The following ATP12A variants were observed in gnomAD, a reference collection of about 807,000 sequenced individuals.
The protein encoded by ATP12A is ATPase H+/K+ transporting non-gastric alpha2 subunit, also known as potassium-transporting ATPase alpha chain 2.
ATP12A carries 81 observed loss-of-function variants against 111.2 expected under a neutral mutation model. The ratio of observed to expected loss-of-function variants is 0.73; its 90% CI spans 0.61 to 0.88. The LOEUF (loss-of-function observed/expected upper bound fraction) is 0.88, where lower values mean the gene tolerates loss of function less well. Among genes scored for constraint, ATP12A ranks in the 40% least tolerant of loss-of-function variants. The pLI is 0.00. For missense variants in ATP12A, 1,196 were observed against 1,313.1 expected, an observed-to-expected ratio of 0.91 and a Z score of 1.38; for synonymous variants, 498 against 499.8, an observed-to-expected ratio of 1.00 and a Z score of 0.05.
chr13:24,685,408 C>T lies in ATP12A; in HGVS notation c.228+35C>T, dbSNP rs1427898824. 1 of 1,597,064 alleles carries T rather than the reference C, an allele frequency of 6.3e-7. No individual in the cohort carries two copies. The highest frequency in any genetic ancestry group is 8.6e-7 in the Non-Finnish European group (1 of 1,164,482). ...GGGAACCAGGGATTTGGAAGAGAAG[C>T]CTCCCAACTCTACAGAGGGAAGGCT... On this transcript the variant is annotated intron_variant, in intron 3 of 22. Transcript: ENST00000381946. The surrounding 1 kb of genome is among the most constrained non-coding windows in gnomAD (Gnocchi z 5.5).
chr13:24,680,803 C>T (rs1874403052), intron 1 of ATP12A, 51 bp downstream of exon 1: 4 of 1,461,926 alleles, frequency 2.7e-6, no homozygotes, highest in East Asian at 2.9e-5. Flanking sequence ...GGGCCAAGGC[C>T]CCGGGGACCG....
In ATP12A at chr13:24,709,372, CA is replaced by C; in HGVS notation, c.2503del (p.Ile835LeufsTer13). 1 of 1,613,252 alleles carries C rather than the reference CA, an allele frequency of 6.2e-7. No individual in the cohort carries two copies. Among genetic ancestry groups the C allele is most frequent in the Non-Finnish European group, 8.5e-7 (1 of 1,179,912 alleles). ...IDLGTDIIPS[I>X]ALAYEKAESD... ...AGCCTCTTCCCCTCTAGATCCCCTC[CA>C]TTGCCTTGGCGTACGAGAAAGCTGA... On this transcript the variant is annotated frameshift_variant, in exon 18 of 23. Transcript: ENST00000381946. LOFTEE classifies it high-confidence loss of function.
Position 24,685,470 on chromosome 13 carries a change from C to A in ATP12A, c.228+97C>A. 7.6e-7 allele frequency: 1 copy of A among 1,310,252 alleles called. No homozygotes were observed. 81.2% of individuals were successfully genotyped at this position (1,310,252 alleles called of 1,614,324 possible). The stretch of plus-strand genomic sequence containing the variant: ...GGGGCTGTGTGGAAGAGTAGCGGCA[C>A]CTTTAGGAGGAGGGGCCCCTGCAGC... On this transcript the variant is annotated intron_variant, in intron 3 of 22. Coordinates refer to ENST00000381946, the MANE Select transcript of ATP12A (RefSeq NM_001676.7). The surrounding 1 kb of genome is among the most constrained non-coding windows in gnomAD (Gnocchi z 5.5).
intron 3 of ATP12A, among the ~76,000 whole-genome samples, chr13:24,687,290 G>A (rs1369488742): frequency 4.6e-5 from 7 of 152,108 alleles, no homozygotes; most frequent in Admixed American, 2.0e-4. Flanking sequence ...GTGAAACCCT[G>A]TCTCTACTAA....
chr13:24,701,501 C>CAAAAAAAAAAA (rs10586421), intron 13 of ATP12A, among the ~76,000 whole-genome samples: 3 of 101,398 alleles, frequency 3.0e-5, no homozygotes, highest in African/African-American at 3.7e-5. Context: ...AACTCTGTCT[C>CAAAAAAAAAAA]AAAAAAAAAA....
chr13:24,685,496 G>T lies in ATP12A; in HGVS notation c.228+123G>T. 2.2e-6 allele frequency: 2 copies of T among 924,916 alleles called. No individual in the cohort carries two copies. Among genetic ancestry groups the T allele is most frequent in the East Asian group, 2.4e-5 (1 of 41,628 alleles). The allele number at this position is 924,916 out of a possible 1,614,324, so 57.3% of individuals were successfully genotyped here. ...CTTTAGGAGGAGGGGCCCCTGCAGC[G>T]CCTTTGAGACTGCAGTTATTTGCAT... On this transcript the variant is annotated intron_variant, in intron 3 of 22. Transcript: ENST00000381946. The surrounding 1 kb of genome is among the most constrained non-coding windows in gnomAD (Gnocchi z 5.5).
intron 10 of ATP12A, among the ~76,000 whole-genome samples, chr13:24,693,461 T>TTTTG (rs1036816214): frequency 2.6e-5 from 4 of 152,288 alleles, no homozygotes; most frequent in Admixed American, 6.5e-5. Context: ...TTTCTTATTT[T>TTTTG]TTTGTTTGTT....
chr13:24,685,346 A>G lies in ATP12A; in HGVS notation c.201A>G (p.Glu67=), dbSNP rs113141374. 6.2e-7 allele frequency: 1 copy of G among 1,614,176 alleles called. No homozygotes were observed. Among genetic ancestry groups the G allele is most frequent in the Non-Finnish European group, 8.5e-7 (1 of 1,180,004 alleles). Residue 67 remains glutamate (E), a synonymous_variant, in exon 3 of 23, where the codon GAA becomes GAG. Transcript: ENST00000381946. The surrounding 1 kb of genome is among the most constrained non-coding windows in gnomAD (Gnocchi z 5.5). ...ACAAACTCAGCAATAGGGAATTGGAAGAGAAATATGGCACAGACATCATTA... is the reference window on the plus strand; with the variant it reads ...ACAAACTCAGCAATAGGGAATTGGAGGAGAAATATGGCACAGACATCATTA... ...DDHKLSNREL[E]EKYGTDIIMG...
chr13:24,711,251 C>A, intron 21 of ATP12A, 67 bp from the exon 22 acceptor site: 1 of 1,404,394 alleles, frequency 7.1e-7, no homozygotes, highest in Non-Finnish European at 9.8e-7. Flanking sequence ...AGCCCCATTC[C>A]CATTGGGCAG....
At chr13:24,701,539 G>GA (rs1331008264) in intron 13 of ATP12A, among the ~76,000 whole-genome samples, 1 of 147,290 alleles carries the variant, frequency 6.8e-6, no homozygotes, top group African/African-American at 2.5e-5. Context: ...GAAAAGAAAA[G>GA]AAAAAAAGAA....
intron 13 of ATP12A, among the ~76,000 whole-genome samples, chr13:24,701,487 G>A (rs12877205): frequency 1.6e-5 from 2 of 125,030 alleles, no homozygotes; most frequent in East Asian, 2.4e-4. Flanking sequence ...GGCAACAAGA[G>A]TGAAACTCTG....
chr13:24,698,997 G>C lies in ATP12A; in HGVS notation c.1705+147G>C, dbSNP rs80349309. On this transcript the variant is annotated intron_variant, in intron 12 of 22. Coordinates refer to ENST00000381946, the MANE Select transcript of ATP12A (RefSeq NM_001676.7). ...ATGATAAGCAGGATGGGAACAAGGA[G>C]AGGATGCTGTGTGACAGCACCAAGC... 5.8e-3 allele frequency: 6,269 copies of C among 1,076,738 alleles called. 265 individuals carry two copies. In the African/African-American group the frequency reaches 0.087, roughly 15 times the overall value. The allele number at this position is 1,076,738 out of a possible 1,614,324, so 66.7% of individuals were successfully genotyped here.
intron 11 of ATP12A, among the ~76,000 whole-genome samples, chr13:24,697,834 T>C (rs1306684998): frequency 2.6e-5 from 4 of 151,964 alleles, no homozygotes; most frequent in Non-Finnish European, 5.9e-5. Flanking sequence ...CCTATACTTC[T>C]TTTTGTACTC....
At chr13:24,701,852 A>G in intron 13 of ATP12A, 83 bp from the exon 14 acceptor site, 1 of 1,564,894 alleles carries the variant, frequency 6.4e-7, no homozygotes, top group East Asian at 2.2e-5. Flanking sequence ...AGGGCACTAC[A>G]GAGTAGGTAT....
In ATP12A at chr13:24,681,632, G is replaced by T; in HGVS notation, c.80G>T (p.Gly27Val). The T allele has an allele frequency of 6.2e-7, 1 of 1,614,196 alleles. No individual in the cohort carries two copies. The highest frequency in any genetic ancestry group is 8.5e-7 in the Non-Finnish European group (1 of 1,180,044). ...KDIVKTDKGD[G>V]KEKYRGLKNN... is the part of the protein sequence containing the mutation. Reference sequence around the variant, plus strand: ...ATCGTGAAAACAGACAAGGGGGATGGCAAGGAGAAGTATAGGGGTCTGAAG... The same window carrying T: ...ATCGTGAAAACAGACAAGGGGGATGTCAAGGAGAAGTATAGGGGTCTGAAG... The change falls in exon 2 of 23, where the codon GGC (glycine) becomes GTC (valine). Residue 27 changes from glycine to valine, a missense_variant. Gly to Val is a moderately radical substitution (Grantham distance 109). This residue lies in a region of ATP12A where 67 missense variants were observed against 64.0 expected (regional missense o/e 1.05). Coordinates refer to ENST00000381946, the MANE Select transcript of ATP12A (RefSeq NM_001676.7).
At position 24,707,293 on chromosome 13, in the gene ATP12A, G is replaced by T; in HGVS notation, c.2353G>T (p.Asp785Tyr). 6.2e-7 allele frequency: 1 copy of T among 1,614,182 alleles called. No individual in the cohort carries two copies. Among genetic ancestry groups the T allele is most frequent in the Non-Finnish European group, 8.5e-7 (1 of 1,180,022 alleles). Residue 785 changes from aspartate to tyrosine, a missense_variant, in exon 17 of 23, where the codon GAC becomes TAC. Coordinates refer to ENST00000381946, the MANE Select transcript of ATP12A (RefSeq NM_001676.7). ...TGVEEGRLIF[D>Y]NLKKTIAYSL... is the part of the protein sequence containing the mutation. ...TCTCTGCCTAGGTCGCCTGATCTTT[G>T]ACAACCTCAAGAAGACTATTGCTTA... is the stretch of plus-strand genomic sequence containing the variant.
intron 13 of ATP12A, 62 bp downstream of exon 13, chr13:24,700,984 G>T: frequency 6.4e-7 from 1 of 1,557,418 alleles, no homozygotes; most frequent in Non-Finnish European, 8.8e-7. Flanking sequence ...TTCTAATAAT[G>T]GTTTTCATAG....
At chr13:24,689,463 C>G (rs533006965) in intron 5 of ATP12A, 88 bp downstream of exon 5, 2 of 1,121,378 alleles carry the variant, frequency 1.8e-6, no homozygotes, top group East Asian at 4.8e-5. Flanking sequence ...CTGAGGGCTA[C>G]GGGTTTCCAC....
At chr13:24,708,961 GAA>G (rs1566078401) in intron 17 of ATP12A, among the ~76,000 whole-genome samples, 1 of 118,200 alleles carries the variant, frequency 8.5e-6, no homozygotes, top group African/African-American at 3.0e-5. Context: ...AAGAAAGAAA[GAA>G]GGAAAGAGAA....
Sources: allele counts gnomAD v4.1 joint callset (sites outside exome capture counted in the v4.1 genomes callset), GRCh38; gene constraint gnomAD v4.1.1; regional missense constraint gnomAD v4.1.1; non-coding constraint Gnocchi (gnomAD v3.1); transcripts MANE v1.5; gene names NCBI Gene and HGNC (gene_info 2026-07-23, HGNC 2026-07-21).